SNCAIP: variants seen among roughly 807,000 people sequenced by gnomAD.
SNCAIP encodes synuclein alpha interacting protein.
SNCAIP carries 43 observed loss-of-function variants against 86.7 expected under a neutral mutation model. The observed-to-expected ratio is 0.50, with a 90% CI of 0.39 to 0.64. The LOEUF (loss-of-function observed/expected upper bound fraction) is 0.64. SNCAIP is among the 30% of genes least tolerant of loss of function. The pLI, the probability that SNCAIP is intolerant of heterozygous loss-of-function variation, is 0.00. For synonymous variants in SNCAIP, 417 were observed against 427.2 expected (o/e 0.98, Z 0.29); for missense variants, 981 against 1,103.1 (o/e 0.89, Z 1.57).
intron 1 of SNCAIP, among the ~76,000 whole-genome samples, chr5:122,332,634 A>C (rs1052982305): frequency 2.0e-5 from 3 of 152,020 alleles, no homozygotes; most frequent in African/African-American, 7.3e-5. Flanking sequence ...GTTGAGAGTG[A>C]CTCTGCAAAC....
rs115928778 is a variant in SNCAIP, at chr5:122,456,041, C to T, written c.2754+4440C>T. ...CCCAGAGTTTAAGTCCATCTGAGATCTTTAGGGCACAAAGTGAGCAGTGAT... is the reference window on the plus strand; with the variant it reads ...CCCAGAGTTTAAGTCCATCTGAGATTTTTAGGGCACAAAGTGAGCAGTGAT... On this transcript the variant is annotated intron_variant, in intron 10 of 10. Coordinates refer to ENST00000261368, the MANE Select transcript of SNCAIP (RefSeq NM_005460.4). 3.5e-3 allele frequency among the ~76,000 whole-genome samples: 533 copies of T among 152,322 alleles called. 7 individuals are homozygous for T. Among genetic ancestry groups the T allele is most frequent in the African/African-American group, 0.012 (508 of 41,572 alleles).
At chr5:122,364,951 G>T (rs1480236424) in intron 1 of SNCAIP, among the ~76,000 whole-genome samples, 1 of 152,064 alleles carries the variant, frequency 6.6e-6, no homozygotes, top group African/African-American at 2.4e-5. Context: ...TCCAGTGAAA[G>T]AAAACATAGA....
intron 2 of SNCAIP, among the ~76,000 whole-genome samples, chr5:122,393,102 A>G (rs1038002968): frequency 2.0e-5 from 3 of 152,226 alleles, no homozygotes; most frequent in African/African-American, 7.2e-5. Context: ...CTATAACTTG[A>G]CCACTCTAAA....
At chr5:122,342,034 A>G (rs563829622) in intron 1 of SNCAIP, among the ~76,000 whole-genome samples, 4 of 152,274 alleles carry the variant, frequency 2.6e-5, no homozygotes, top group Non-Finnish European at 5.9e-5. Context: ...GGGTGGAACT[A>G]ACACTTCTGT....
chr5:122,431,595 G>A (rs1778413271), intron 5 of SNCAIP, among the ~76,000 whole-genome samples: 1 of 151,998 alleles, frequency 6.6e-6, no homozygotes, highest in Non-Finnish European at 1.5e-5. Context: ...ACACTTCTGG[G>A]GATAATGGAA....
At chr5:122,416,285 CAG>C (rs1161448414) in intron 3 of SNCAIP, among the ~76,000 whole-genome samples, 6 of 152,200 alleles carry the variant, frequency 3.9e-5, no homozygotes, top group Non-Finnish European at 2.9e-5. Context: ...CACTTAAAGA[CAG>C]AAAGTTTAGA....
At chr5:122,385,955 A>C (rs1244780557) in intron 1 of SNCAIP, among the ~76,000 whole-genome samples, 8 of 152,004 alleles carry the variant, frequency 5.3e-5, no homozygotes, top group Non-Finnish European at 1.5e-5. Context: ...GTCCAAGCTG[A>C]CTCCTTGTAA....
At chr5:122,435,236 C>T (rs994666958) in intron 6 of SNCAIP, among the ~76,000 whole-genome samples, 3 of 152,134 alleles carry the variant, frequency 2.0e-5, no homozygotes, top group Admixed American at 6.5e-5. Flanking sequence ...CAGGGACACC[C>T]GAGGAAAAAG....
intron 1 of SNCAIP, among the ~76,000 whole-genome samples, chr5:122,330,266 C>T (rs1467035189): frequency 1.3e-5 from 2 of 150,908 alleles, no homozygotes; most frequent in Admixed American, 1.3e-4. Context: ...GGACTACAGG[C>T]GCCCGCCACT....
At chr5:122,445,041 G>C (rs114146854) in intron 8 of SNCAIP, 2 of 411,022 alleles carry the variant, frequency 4.9e-6, no homozygotes, top group Non-Finnish European at 9.2e-6. Flanking sequence ...ATTACAGAGC[G>C]CTGGAAGCAC....
At chr5:122,423,833 T>G in intron 4 of SNCAIP, 94 bp downstream of exon 4, 8 of 1,197,066 alleles carry the variant, frequency 6.7e-6, no homozygotes, top group Non-Finnish European at 9.5e-6. Context: ...GCTGCATTTG[T>G]TTTGGTTTTT....
chr5:122,330,117 C>CTTTTTTTTTTTTTTTTTTTTTTTTTTTTT lies in SNCAIP; in HGVS notation c.-47+17855_-47+17856insTTTTTTTTTTTTTTTTTTTTTTTTTTTTT, dbSNP rs1212303157. On this transcript the variant is annotated intron_variant, in intron 1 of 10. Transcript: ENST00000261368. Reference sequence around the variant, plus strand: ...CTTACCTCCGTGTACAACTTCATTTCTTTTTTTTTTTTTTTTTTTTTTGAG... The same window carrying CTTTTTTTTTTTTTTTTTTTTTTTTTTTTT: ...CTTACCTCCGTGTACAACTTCATTTCTTTTTTTTTTTTTTTTTTTTTTTTTTTTTTTTTTTTTTTTTTTTTTTTTTTGAG... Among the ~76,000 whole-genome samples, 17 of 96,828 alleles carry CTTTTTTTTTTTTTTTTTTTTTTTTTTTTT rather than the reference C, an allele frequency of 1.8e-4. 2 individuals are homozygous for CTTTTTTTTTTTTTTTTTTTTTTTTTTTTT. The highest frequency in any genetic ancestry group is 7.7e-4 in the East Asian group (3 of 3,896). 63.5% of individuals were successfully genotyped at this position (96,828 alleles called of 152,430 possible).
At chr5:122,342,958 A>G (rs906453798) in intron 1 of SNCAIP, among the ~76,000 whole-genome samples, 2 of 152,252 alleles carry the variant, frequency 1.3e-5, no homozygotes, top group Non-Finnish European at 1.5e-5. Flanking sequence ...TATTTGCCTT[A>G]CATAAGAAAC....
At chr5:122,368,690 C>G (rs566863169) in intron 1 of SNCAIP, among the ~76,000 whole-genome samples, 37 of 152,296 alleles carry the variant, frequency 2.4e-4, no homozygotes, top group Non-Finnish European at 4.4e-4. Flanking sequence ...GCCTGGAGCT[C>G]TTATCCACAT....
At position 122,423,415 on chromosome 5, in the gene SNCAIP, C is replaced by T. The variant is rs747861218; in HGVS notation, c.678C>T (p.His226=). ...PHLRKASAVI[H]DQHKLSTEET... is the part of the protein sequence containing the mutation. ...TGAGAAAAGCATCAGCTGTCATCCA[C>T]GACCAGCACAAGCTGTCCACTGAAG... The change falls in exon 4 of 11, where the codon CAC becomes CAT. Residue 226 remains histidine, a synonymous_variant. Coordinates refer to ENST00000261368, the MANE Select transcript of SNCAIP (RefSeq NM_005460.4). 7.4e-6 allele frequency: 12 copies of T among 1,613,832 alleles called. No individual in the cohort carries two copies. Among genetic ancestry groups the T allele is most frequent in the Middle Eastern group, 1.7e-4 (1 of 6,060 alleles).
At position 122,403,774 on chromosome 5, in the gene SNCAIP, T is replaced by C. The variant is rs757545805; in HGVS notation, c.58-19T>C. 6.2e-7 allele frequency: 1 copy of C among 1,604,934 alleles called. No homozygotes were observed. Among genetic ancestry groups the C allele is most frequent in the Non-Finnish European group, 8.5e-7 (1 of 1,171,710 alleles). ...TTTTAAATTATTTTATGCCCTCTCT[T>C]CTCTGGCTTCCCGTTCAGTATTCAG... is the stretch of plus-strand genomic sequence containing the variant. On this transcript the variant is annotated intron_variant, in intron 2 of 10. Transcript: ENST00000261368.
chr5:122,329,371 C>T (rs1353819034), intron 1 of SNCAIP, among the ~76,000 whole-genome samples: 1 of 151,594 alleles, frequency 6.6e-6, no homozygotes, highest in Non-Finnish European at 1.5e-5. Context: ...ATTCATAATA[C>T]TCCCTCTCTT....
intron 1 of SNCAIP, among the ~76,000 whole-genome samples, chr5:122,320,411 C>T (rs894193438): frequency 6.6e-6 from 1 of 152,148 alleles, no homozygotes; most frequent in African/African-American, 2.4e-5. Context: ...GCGGTCACAG[C>T]AGTGAGCAGA....
chr5:122,384,941 G>C (rs1421010906), intron 1 of SNCAIP, among the ~76,000 whole-genome samples: 4 of 152,136 alleles, frequency 2.6e-5, no homozygotes, highest in Non-Finnish European at 5.9e-5. Flanking sequence ...CTAAATCAAT[G>C]TTATGCGTCT....
Sources: allele counts gnomAD v4.1 joint callset (sites outside exome capture counted in the v4.1 genomes callset), GRCh38; gene constraint gnomAD v4.1.1; transcripts MANE v1.5; gene names NCBI Gene and HGNC (gene_info 2026-07-23, HGNC 2026-07-21).